Variants in VLDLR observed in about 807,000 individuals in gnomAD.
The protein encoded by VLDLR is very low density lipoprotein receptor, also known as very low-density lipoprotein receptor.
Under a neutral mutation model 112.7 loss-of-function variants are expected in VLDLR, and 81 were observed. The observed-to-expected ratio is 0.72, with a 90% CI of 0.60 to 0.86. VLDLR has a LOEUF of 0.86. VLDLR is among the 40% of genes least tolerant of loss of function. The probability of loss-of-function intolerance (pLI) is 0.00; values close to 1 mark genes in which losing one functional copy is unlikely to be tolerated. For missense variants in VLDLR, 1,237 were observed against 1,099.4 expected (o/e 1.13, Z -1.77); for synonymous variants, 436 against 384.8 (o/e 1.13, Z -1.56).
At chr9:2,648,847 A>C in intron 14 of VLDLR, 37 bp downstream of exon 14, 1 of 1,613,668 alleles carries the variant, frequency 6.2e-7, no homozygotes, top group African/African-American at 1.3e-5. Context: ...TAACTACTTT[A>C]AGGGAAGCAG....
At chr9:2,652,714 T>C (rs1586661524) in intron 17 of VLDLR, 66 bp from the exon 18 acceptor site, 3 of 1,599,622 alleles carry the variant, frequency 1.9e-6, no homozygotes. Context: ...TCCTGAACGT[T>C]ATTACCTTTC....
In VLDLR at chr9:2,642,786, G is replaced by A. The variant is rs556267013; in HGVS notation, c.449-374G>A. On this transcript the variant is annotated intron_variant, in intron 4 of 18. Coordinates refer to ENST00000382100, the MANE Select transcript of VLDLR (RefSeq NM_003383.5). ...TTACGTTGCATGATATTCTCAACTAGTGATAAGATCTGACAAGCAGTATGT... is the reference window on the plus strand; with the variant it reads ...TTACGTTGCATGATATTCTCAACTAATGATAAGATCTGACAAGCAGTATGT... Among the ~76,000 whole-genome samples the A allele has an allele frequency of 3.9e-5, 6 of 152,324 alleles. No homozygotes were observed. In the South Asian group the frequency reaches 1.0e-3, roughly 26 times the overall value.
chr9:2,622,146 A>ACGGCGGCGACGG lies in VLDLR; in HGVS notation c.-36_-35insACGGCGGCGGCG. On this transcript the variant is annotated 5_prime_UTR_variant, in exon 1 of 19. Coordinates refer to ENST00000382100, the MANE Select transcript of VLDLR (RefSeq NM_003383.5). ...ACTGGTAACTTGTCGTGCGGAGCGA[A>ACGGCGGCGACGG]CGGCGGCGGCGGCGGCGGCGGCGGC... The ACGGCGGCGACGG allele has an allele frequency of 7.4e-7, 1 of 1,358,552 alleles. No individual in the cohort carries two copies. Among genetic ancestry groups the ACGGCGGCGACGG allele is most frequent in the Middle Eastern group, 1.9e-4 (1 of 5,262 alleles). 84.2% of individuals were successfully genotyped at this position (1,358,552 alleles called of 1,614,324 possible).
intron 18 of VLDLR, among the ~76,000 whole-genome samples, chr9:2,653,563 CT>C (rs1251897433): frequency 3.3e-5 from 5 of 152,184 alleles, no homozygotes; most frequent in African/African-American, 1.2e-4. Flanking sequence ...ACACACATGG[CT>C]TTTCACATTT....
chr9:2,635,351 G>C, intron 1 of VLDLR, 102 bp from the exon 2 acceptor site: 1 of 1,577,812 alleles, frequency 6.3e-7, no homozygotes, highest in Non-Finnish European at 8.7e-7. Context: ...ATAGCCTGCC[G>C]AGTCTGCAGT....
At chr9:2,641,042 C>T (rs1343164828) in intron 3 of VLDLR, among the ~76,000 whole-genome samples, 1 of 152,194 alleles carries the variant, frequency 6.6e-6, no homozygotes, top group Non-Finnish European at 1.5e-5. Context: ...GGTGTGCCCA[C>T]TTGACATCCA....
At chr9:2,640,564 A>G (rs978010617) in intron 3 of VLDLR, among the ~76,000 whole-genome samples, 1 of 152,214 alleles carries the variant, frequency 6.6e-6, no homozygotes, top group African/African-American at 2.4e-5. Context: ...CTATGAGACC[A>G]TAAAGAATGA....
intron 17 of VLDLR, among the ~76,000 whole-genome samples, chr9:2,652,538 C>T (rs1586661336): frequency 6.6e-6 from 1 of 152,112 alleles, no homozygotes; most frequent in African/African-American, 2.4e-5. Context: ...AAGGTGGGAC[C>T]GAGGACCCTG....
chr9:2,637,393 T>C (rs923518482), intron 2 of VLDLR, among the ~76,000 whole-genome samples: 1 of 152,220 alleles, frequency 6.6e-6, no homozygotes, highest in African/African-American at 2.4e-5. Context: ...TCTTTTATAA[T>C]GTTAGGCTGA....
chr9:2,651,361 G>C, intron 15 of VLDLR, 54 bp from the exon 16 acceptor site: 1 of 1,505,274 alleles, frequency 6.6e-7, no homozygotes, highest in Non-Finnish European at 9.2e-7. Flanking sequence ...GGACAAAACA[G>C]CTAGCCATGC....
At position 2,622,177 on chromosome 9, in the gene VLDLR, C is replaced by A. The variant is rs1308174993; in HGVS notation, c.-13C>A. ...GCGGCGGCGGCGGCGGCGGCACCATCCAGGCGGGCACCATGGGCACGTCCG... is the reference window on the plus strand; with the variant it reads ...GCGGCGGCGGCGGCGGCGGCACCATACAGGCGGGCACCATGGGCACGTCCG... On this transcript the variant is annotated 5_prime_UTR_variant, in exon 1 of 19. Coordinates refer to ENST00000382100, the MANE Select transcript of VLDLR (RefSeq NM_003383.5). 6.7e-7 allele frequency: 1 copy of A among 1,493,528 alleles called. No homozygotes were observed. Among genetic ancestry groups the A allele is most frequent in the Non-Finnish European group, 8.9e-7 (1 of 1,127,180 alleles). 92.5% of individuals were successfully genotyped at this position (1,493,528 alleles called of 1,614,324 possible).
At chr9:2,632,359 G>T (rs1426552443) in intron 1 of VLDLR, among the ~76,000 whole-genome samples, 1 of 152,084 alleles carries the variant, frequency 6.6e-6, no homozygotes, top group Non-Finnish European at 1.5e-5. Flanking sequence ...ATTGCATTTT[G>T]CCCCATCTTC....
intron 7 of VLDLR, among the ~76,000 whole-genome samples, chr9:2,644,325 A>T (rs1355032950): frequency 3.3e-5 from 4 of 122,958 alleles, no homozygotes; most frequent in Admixed American, 8.7e-5. Flanking sequence ...CGCCCGGCTA[A>T]TTTTTTTTTT....
chr9:2,622,039 C>A lies in VLDLR; in HGVS notation c.-151C>A. 1.3e-6 allele frequency: 1 copy of A among 775,136 alleles called. No individual in the cohort carries two copies. Among genetic ancestry groups the A allele is most frequent in the Non-Finnish European group, 2.0e-6 (1 of 501,050 alleles). The allele number at this position is 775,136 out of a possible 1,614,324, so 48.0% of individuals were successfully genotyped here. On this transcript the variant is annotated 5_prime_UTR_variant, in exon 1 of 19. Coordinates refer to ENST00000382100, the MANE Select transcript of VLDLR (RefSeq NM_003383.5). ...GGGGAGGGGGTGCCCTCTTCTTCCC[C>A]GCTCCCTTCCCCCGCCAACTCCTTC...
At chr9:2,639,274 CAA>C (rs932655813) in intron 2 of VLDLR, among the ~76,000 whole-genome samples, 2 of 152,178 alleles carry the variant, frequency 1.3e-5, no homozygotes, top group African/African-American at 2.4e-5. Context: ...TAGTAGATAA[CAA>C]AGAGAGAGAG....
chr9:2,636,677 C>T (rs542744620), intron 2 of VLDLR, among the ~76,000 whole-genome samples: 15 of 152,338 alleles, frequency 9.8e-5, no homozygotes, highest in African/African-American at 3.1e-4. Context: ...TCCTGTGCAA[C>T]ACTTTATCAT....
In VLDLR at chr9:2,648,269, C is replaced by T. The variant is rs765391309; in HGVS notation, c.1884C>T (p.Asp628=). The T allele has an allele frequency of 5.6e-6, 9 of 1,614,202 alleles. No individual in the cohort carries two copies. In the South Asian group the frequency reaches 8.8e-5, roughly 16 times the overall value. The part of the protein sequence containing the change: ...DSKLHMLSSV[D]LNGQDRRIVL... ...AGTTGCACATGTTATCCAGCGTGGA[C>T]TTGAATGGCCAAGATCGTAGGATAG... is the stretch of plus-strand genomic sequence containing the variant. Residue 628 remains aspartate, a synonymous_variant, in exon 13 of 19, where the codon GAC becomes GAT. Transcript: ENST00000382100.
At chr9:2,646,039 C>T (rs980768170) in intron 10 of VLDLR, among the ~76,000 whole-genome samples, 6 of 151,966 alleles carry the variant, frequency 3.9e-5, no homozygotes, top group African/African-American at 1.2e-4. Flanking sequence ...AATGGTAGTA[C>T]AGCCTTTTCT....
rs568164646 is a variant in VLDLR at position 2,637,892 on chromosome 9, A to G, written c.203-1967A>G. 5.8e-4 allele frequency among the ~76,000 whole-genome samples: 89 copies of G among 152,270 alleles called. No homozygotes were observed. In the South Asian group the frequency reaches 6.0e-3, roughly 10 times the overall value. ...CGGGAGGCGGAGCTTGCAGTGAGCC[A>G]AGACCACGCCACTGCACTCCAGCCT... On this transcript the variant is annotated intron_variant, in intron 2 of 18. Transcript: ENST00000382100.
Sources: allele counts gnomAD v4.1 joint callset (sites outside exome capture counted in the v4.1 genomes callset), GRCh38; gene constraint gnomAD v4.1.1; transcripts MANE v1.5; gene names NCBI Gene and HGNC (gene_info 2026-07-23, HGNC 2026-07-21).